PLEKHG1: variants seen among roughly 807,000 people sequenced by gnomAD.
PLEKHG1 encodes the protein pleckstrin homology and RhoGEF domain containing G1.
Under a neutral mutation model 100.8 loss-of-function variants are expected in PLEKHG1, and 44 were observed. The ratio of observed to expected loss-of-function variants is 0.44; its 90% CI spans 0.34 to 0.56. The LOEUF is 0.56. PLEKHG1 is among the 20% of genes least tolerant of loss of function. The probability of loss-of-function intolerance (pLI) is 0.01; values close to 1 mark genes in which losing one functional copy is unlikely to be tolerated. For synonymous variants in PLEKHG1, 640 were observed against 662.5 expected (o/e 0.97, Z 0.52); for missense variants, 1,545 against 1,720.9 (o/e 0.90, Z 1.81).
At chr6:150,822,932 A>G (rs1776387105) in intron 13 of PLEKHG1, among the ~76,000 whole-genome samples, 1 of 152,214 alleles carries the variant, frequency 6.6e-6, no homozygotes. Context: ...GTGAGCCGAG[A>G]TTGTGCCACT....
At chr6:150,782,674 T>C (rs1046799130) in intron 3 of PLEKHG1, among the ~76,000 whole-genome samples, 3 of 152,214 alleles carry the variant, frequency 2.0e-5, no homozygotes, top group Non-Finnish European at 4.4e-5. Context: ...AATCCAGCTA[T>C]GTTCTATTAA....
rs974365779 is a variant in PLEKHG1, at chr6:150,650,795, T to G, written c.-99+9T>G. 6.6e-6 allele frequency: 1 copy of G among 152,248 alleles called. No homozygotes were observed. Among genetic ancestry groups the G allele is most frequent in the Non-Finnish European group, 1.5e-5 (1 of 68,044 alleles). The allele number at this position is 152,248 out of a possible 1,614,324, so 9.4% of individuals were successfully genotyped here. On this transcript the variant is annotated intron_variant, in intron 3 of 3. Coordinates refer to the PLEKHG1 transcript ENST00000367326. ...AGGTTTCAACTATAAAAGTGAGCTC[T>G]TTTCATTTTTTTGCCCCTTGAGTAT...
At chr6:150,626,466 C>T (rs943820237) in intron 1 of PLEKHG1, among the ~76,000 whole-genome samples, 8 of 152,120 alleles carry the variant, frequency 5.3e-5, no homozygotes, top group East Asian at 3.9e-4. Context: ...TGCGAAGGGG[C>T]GTTGGGGACA....
chr6:150,674,673 CTCTCTCT>C (rs1779691183), intron 3 of PLEKHG1, among the ~76,000 whole-genome samples: 2 of 145,466 alleles, frequency 1.4e-5, no homozygotes, highest in Non-Finnish European at 3.0e-5. Context: ...CTCTCTCTCT[CTCTCTCT>C]CTCCCCCCTC....
chr6:150,684,158 T>G (rs1487192579), intron 3 of PLEKHG1, among the ~76,000 whole-genome samples: 1 of 152,192 alleles, frequency 6.6e-6, no homozygotes, highest in East Asian at 1.9e-4. Flanking sequence ...AGATCCAGGC[T>G]GACAATGTAA....
intron 3 of PLEKHG1, among the ~76,000 whole-genome samples, chr6:150,684,137 A>G (rs1780031150): frequency 6.6e-6 from 1 of 152,168 alleles, no homozygotes; most frequent in Non-Finnish European, 1.5e-5. Flanking sequence ...TGGCATCTTC[A>G]TATTATCCTT....
chr6:150,643,560 G>T (rs2128569621), intron 2 of PLEKHG1, among the ~76,000 whole-genome samples: 1 of 152,264 alleles, frequency 6.6e-6, no homozygotes, highest in Middle Eastern at 3.4e-3. Flanking sequence ...AGATTGGGTG[G>T]GGAGAACCTT....
Position 150,603,898 on chromosome 6 carries a change from A to G in PLEKHG1, c.-204+3881A>G, listed in dbSNP as rs115532872. On this transcript the variant is annotated intron_variant, in intron 1 of 3. Coordinates refer to the PLEKHG1 transcript ENST00000367326. ...ATTTGAAGAGTGTTAATGGTAGGCT[A>G]AGTTTTTTAAAAATTCCATCTACAC... Among the ~76,000 whole-genome samples the G allele has an allele frequency of 6.9e-3, 1,047 of 151,828 alleles. 7 individuals carry two copies. The highest frequency in any genetic ancestry group is 0.024 in the African/African-American group (994 of 41,342).
At chr6:150,800,802 C>T (rs752560556) in exon 6 of PLEKHG1, 11 of 1,613,572 alleles carry the variant, frequency 6.8e-6, no homozygotes, top group East Asian at 4.5e-5. Context: ...CTGAAACACT[C>T]GCTGCCTCTG....
rs566798592 is a variant in PLEKHG1 at position 150,632,198 on chromosome 6, T to G, written c.-203-5882T>G. ...GAAATTGTTTAATCTCCATTCTCTATTATAAACACACAAGCAAAGCTGGAA... is the reference window on the plus strand; with the variant it reads ...GAAATTGTTTAATCTCCATTCTCTAGTATAAACACACAAGCAAAGCTGGAA... On this transcript the variant is annotated intron_variant, in intron 1 of 3. Coordinates refer to the PLEKHG1 transcript ENST00000367326. Among the ~76,000 whole-genome samples, 105 of 152,344 alleles carry G rather than the reference T, an allele frequency of 6.9e-4. 2 individuals carry two copies. The highest frequency in any genetic ancestry group is 1.3e-3 in the Admixed American group (20 of 15,306).
At position 150,809,449 on chromosome 6, in the gene PLEKHG1, G is replaced by A. The variant is rs1787355518; in HGVS notation, c.1164G>A (p.Lys388=). 5 of 1,613,876 alleles carry A rather than the reference G, an allele frequency of 3.1e-6. 1 individual carries two copies. Among genetic ancestry groups the A allele is most frequent in the Non-Finnish European group, 4.2e-6 (5 of 1,179,984 alleles). ...TCAGCTTCAGCGTCTTCCACTACAA[G>A]AATCCCAAGCTGCAGCACACAGTCC... Residue 388 remains lysine, a synonymous_variant, in exon 9 of 16, where the codon AAG becomes AAA. Coordinates refer to ENST00000358517, the Ensembl canonical transcript of PLEKHG1.
intron 14 of PLEKHG1, among the ~76,000 whole-genome samples, chr6:150,825,672 T>G (rs939915018): frequency 6.6e-6 from 1 of 152,202 alleles, no homozygotes; most frequent in Non-Finnish European, 1.5e-5. Flanking sequence ...TATGTGTGTA[T>G]GAGGTGGTTA....
chr6:150,646,336 G>T (rs1778497718), intron 2 of PLEKHG1, among the ~76,000 whole-genome samples: 1 of 143,168 alleles, frequency 7.0e-6, no homozygotes, highest in Admixed American at 6.9e-5. Flanking sequence ...GATTGGTCTG[G>T]TGTGGGCCAT....
At chr6:150,757,454 T>A (rs1162491903) in intron 2 of PLEKHG1, among the ~76,000 whole-genome samples, 1 of 152,234 alleles carries the variant, frequency 6.6e-6, no homozygotes, top group Non-Finnish European at 1.5e-5. Flanking sequence ...TTTTGATGTT[T>A]GGTGAAGGCT....
At chr6:150,807,862 G>C (rs1289912979) in intron 7 of PLEKHG1, among the ~76,000 whole-genome samples, 1 of 152,102 alleles carries the variant, frequency 6.6e-6, no homozygotes, top group African/African-American at 2.4e-5. Context: ...CCAGCTACTT[G>C]AGAGGCTGAG....
intron 3 of PLEKHG1, among the ~76,000 whole-genome samples, chr6:150,656,741 A>G (rs1191071484): frequency 6.6e-6 from 1 of 152,234 alleles, no homozygotes; most frequent in Non-Finnish European, 1.5e-5. Context: ...AAGGTCAACT[A>G]TGGCGAAGAG....
At chr6:150,828,878 A>G (rs1187769270) in intron 14 of PLEKHG1, among the ~76,000 whole-genome samples, 1 of 152,220 alleles carries the variant, frequency 6.6e-6, no homozygotes, top group Admixed American at 6.5e-5. Flanking sequence ...GTGAAGAGAA[A>G]GATATATTAA....
intron 3 of PLEKHG1, among the ~76,000 whole-genome samples, chr6:150,670,446 G>C (rs114024527): frequency 6.6e-6 from 1 of 152,048 alleles, no homozygotes; most frequent in African/African-American, 2.4e-5. Context: ...GGACAACATC[G>C]AAGCCCTGAG....
intron 3 of PLEKHG1, among the ~76,000 whole-genome samples, chr6:150,659,904 G>A (rs1779116698): frequency 6.6e-6 from 1 of 152,296 alleles, no homozygotes; most frequent in Non-Finnish European, 1.5e-5. Context: ...ATGGCACACA[G>A]TCTGGTGCCT....
Sources: allele counts gnomAD v4.1 joint callset (sites outside exome capture counted in the v4.1 genomes callset), GRCh38; gene constraint gnomAD v4.1.1; transcripts MANE v1.5; gene names NCBI Gene and HGNC (gene_info 2026-07-23, HGNC 2026-07-21).